FNIP2: variants seen among roughly 807,000 people sequenced by gnomAD.
FNIP2 encodes the protein folliculin interacting protein 2.
A neutral mutation model predicts 108.7 loss-of-function variants in FNIP2; 32 were observed. The ratio of observed to expected loss-of-function variants is 0.29; its 90% CI spans 0.22 to 0.40. The LOEUF is 0.40. Among genes scored for constraint, FNIP2 ranks in the 10% least tolerant of loss-of-function variants. The probability of loss-of-function intolerance (pLI) is 1.00; values close to 1 mark genes in which losing one functional copy is unlikely to be tolerated. For synonymous variants in FNIP2, 480 were observed against 496.7 expected, an observed-to-expected ratio of 0.97 and a Z score of 0.45; for missense variants, 1,202 against 1,381.6, an observed-to-expected ratio of 0.87 and a Z score of 2.06.
chr4:158,781,775 C>T (rs1776056596), intron 1 of FNIP2, among the ~76,000 whole-genome samples: 1 of 152,152 alleles, frequency 6.6e-6, no homozygotes. Flanking sequence ...TCTTGGCCTC[C>T]GCAAGGTGCT....
At chr4:158,898,200 T>TCTGTTTTGGTAACAATACCGTG (rs1261930268) in intron 16 of FNIP2, among the ~76,000 whole-genome samples, 15 of 152,322 alleles carry the variant, frequency 9.8e-5, no homozygotes, top group African/African-American at 2.9e-4. Flanking sequence ...GGTCTGTATA[T>TCTGTTTTGGTAACAATACCGTG]CTGTTTTGGT....
intron 1 of FNIP2, chr4:158,806,317 G>GATGCT: frequency 7.8e-7 from 1 of 1,289,388 alleles, no homozygotes; most frequent in Non-Finnish European, 1.0e-6. Flanking sequence ...ATGTGTGAGT[G>GATGCT]ATGCTGTTCC....
At chr4:158,800,861 A>T (rs1423684470) in intron 1 of FNIP2, among the ~76,000 whole-genome samples, 2 of 152,102 alleles carry the variant, frequency 1.3e-5, no homozygotes, top group Admixed American at 1.3e-4. Context: ...CCACTCATTC[A>T]TTGATTCTTT....
At chr4:158,805,199 G>A (rs1776903411) in intron 1 of FNIP2, among the ~76,000 whole-genome samples, 1 of 152,156 alleles carries the variant, frequency 6.6e-6, no homozygotes, top group Non-Finnish European at 1.5e-5. Context: ...GAGTTCATCA[G>A]GTTTTAGGAA....
chr4:158,771,745 A>T (rs1362870245), intron 1 of FNIP2, among the ~76,000 whole-genome samples: 1 of 152,214 alleles, frequency 6.6e-6, no homozygotes, highest in African/African-American at 2.4e-5. Flanking sequence ...GGAGAATCTA[A>T]GATCCAACTT....
At chr4:158,841,892 G>A (rs548967758) in intron 7 of FNIP2, among the ~76,000 whole-genome samples, 30 of 152,350 alleles carry the variant, frequency 2.0e-4, no homozygotes, top group African/African-American at 6.7e-4. Flanking sequence ...CCTTTTTGAT[G>A]TATGGGGCAA....
chr4:158,791,392 T>G (rs986922844), intron 1 of FNIP2, among the ~76,000 whole-genome samples: 2 of 148,822 alleles, frequency 1.3e-5, no homozygotes, highest in Admixed American at 1.4e-4. Context: ...CAAGTGATTC[T>G]CCTGCCTCAG....
Position 158,832,929 on chromosome 4 carries a change from T to C in FNIP2, c.555-599T>C, listed in dbSNP as rs10021974. Among the ~76,000 whole-genome samples, 799 of 152,362 alleles carry C rather than the reference T, an allele frequency of 5.2e-3. 3 individuals carry two copies. Among genetic ancestry groups the C allele is most frequent in the African/African-American group, 0.018 (768 of 41,596 alleles). The stretch of plus-strand genomic sequence containing the variant: ...TTTCTGTCGTCGTTTTTGTCAGCTC[T>C]ACACACAGCAAAAGTCTTTAATTGT... On this transcript the variant is annotated intron_variant, in intron 5 of 16. Coordinates refer to ENST00000264433, the MANE Select transcript of FNIP2 (RefSeq NM_020840.3).
At chr4:158,805,722 T>C (rs1050532809) in intron 1 of FNIP2, among the ~76,000 whole-genome samples, 1 of 152,198 alleles carries the variant, frequency 6.6e-6, no homozygotes, top group Non-Finnish European at 1.5e-5. Context: ...AAGAGGGTGG[T>C]GTGGCCAATG....
At chr4:158,788,138 A>G (rs562119382) in intron 1 of FNIP2, among the ~76,000 whole-genome samples, 1 of 152,272 alleles carries the variant, frequency 6.6e-6, no homozygotes, top group South Asian at 2.1e-4. Context: ...AATAATAGTA[A>G]CCACCTCATG....
At chr4:158,812,813 A>G (rs1777353379) in intron 1 of FNIP2, among the ~76,000 whole-genome samples, 1 of 151,432 alleles carries the variant, frequency 6.6e-6, no homozygotes, top group African/African-American at 2.4e-5. Flanking sequence ...GGTTTTGACA[A>G]AAGTATAATG....
chr4:158,804,669 C>T (rs929973624), intron 1 of FNIP2, among the ~76,000 whole-genome samples: 27 of 152,246 alleles, frequency 1.8e-4, no homozygotes, highest in African/African-American at 6.5e-4. Context: ...GCCTTGGCCT[C>T]TCAAAGCACT....
chr4:158,838,368 A>G (rs1778928471), intron 7 of FNIP2, among the ~76,000 whole-genome samples: 1 of 151,802 alleles, frequency 6.6e-6, no homozygotes, highest in South Asian at 2.1e-4. Context: ...CTACAGGTAC[A>G]TACCACCACA....
intron 16 of FNIP2, among the ~76,000 whole-genome samples, chr4:158,900,095 G>T (rs1049921679): frequency 6.6e-6 from 1 of 152,118 alleles, no homozygotes; most frequent in African/African-American, 2.4e-5. Flanking sequence ...CCTTCATTTC[G>T]TTATGTACCC....
chr4:158,787,212 A>G (rs1776252757), intron 1 of FNIP2, among the ~76,000 whole-genome samples: 1 of 152,198 alleles, frequency 6.6e-6, no homozygotes, highest in Admixed American at 6.5e-5. Context: ...TTGTTTAGCC[A>G]ATGAAATGTA....
rs1261962381 is a variant in FNIP2 at position 158,906,209 on chromosome 4, T to A, written c.*1665T>A. On this transcript the variant is annotated 3_prime_UTR_variant, in exon 17 of 17. Coordinates refer to ENST00000264433, the MANE Select transcript of FNIP2 (RefSeq NM_020840.3). ...GTAGTTCCATGACATCATTGTTTGC[T>A]GTTGTGTTACAGAGAGAGAAGGAAC... The A allele has an allele frequency of 6.6e-6, 1 of 152,192 alleles. No individual in the cohort carries two copies. Among genetic ancestry groups the A allele is most frequent in the Non-Finnish European group, 1.5e-5 (1 of 67,998 alleles). 9.4% of individuals were successfully genotyped at this position (152,192 alleles called of 1,614,324 possible).
At chr4:158,850,868 G>T (rs1779659608) in intron 7 of FNIP2, among the ~76,000 whole-genome samples, 1 of 151,922 alleles carries the variant, frequency 6.6e-6, no homozygotes, top group African/African-American at 2.4e-5. Context: ...TCTGAGCAAT[G>T]ATTATTTTGC....
chr4:158,791,920 G>A (rs1392858419), intron 1 of FNIP2, among the ~76,000 whole-genome samples: 1 of 152,152 alleles, frequency 6.6e-6, no homozygotes, highest in African/African-American at 2.4e-5. Flanking sequence ...GGGGATAACA[G>A]ACAATGAGAT....
Position 158,862,956 on chromosome 4 carries a change from T to C in FNIP2, c.1465+1180T>C, listed in dbSNP as rs191540177. Among the ~76,000 whole-genome samples, 585 of 152,356 alleles carry C rather than the reference T, an allele frequency of 3.8e-3. 3 individuals carry two copies. Among genetic ancestry groups the C allele is most frequent in the Middle Eastern group, 0.01 (3 of 294 alleles). On this transcript the variant is annotated intron_variant, in intron 12 of 16. Coordinates refer to ENST00000264433, the MANE Select transcript of FNIP2 (RefSeq NM_020840.3). ...TTAGATAAATGTATTCATAATTAGGTGTGCTTCTTATTTGAAACATAACTG... is the reference window on the plus strand; with the variant it reads ...TTAGATAAATGTATTCATAATTAGGCGTGCTTCTTATTTGAAACATAACTG...
Sources: allele counts gnomAD v4.1 joint callset (sites outside exome capture counted in the v4.1 genomes callset), GRCh38; gene constraint gnomAD v4.1.1; transcripts MANE v1.5; gene names NCBI Gene and HGNC (gene_info 2026-07-23, HGNC 2026-07-21).